CNGB3: variants seen among roughly 807,000 people sequenced by gnomAD.
CNGB3 encodes the protein cyclic nucleotide gated channel subunit beta 3, also known as cyclic nucleotide-gated channel beta-3.
In CNGB3, 86 loss-of-function variants were observed where a neutral mutation model predicts 92.8. The observed-to-expected ratio is 0.93, with a 90% CI of 0.78 to 1.11. The LOEUF (loss-of-function observed/expected upper bound fraction) is 1.11. Among genes scored for constraint, CNGB3 ranks in the 50% least tolerant of loss-of-function variants. CNGB3 has a pLI of 0.00. For missense variants in CNGB3, 1,026 were observed against 956.8 expected, an observed-to-expected ratio of 1.07 and a Z score of -0.95; for synonymous variants, 333 against 332.7, an observed-to-expected ratio of 1.00 and a Z score of -0.01.
At chr8:86,597,899 A>G (rs1822206174) in intron 15 of CNGB3, among the ~76,000 whole-genome samples, 1 of 152,192 alleles carries the variant, frequency 6.6e-6, no homozygotes, top group Non-Finnish European at 1.5e-5. Context: ...AATCACTTGA[A>G]CATGGGAAGT....
chr8:86,730,574 C>G (rs1465336604), intron 2 of CNGB3, among the ~76,000 whole-genome samples: 2 of 152,180 alleles, frequency 1.3e-5, no homozygotes, highest in Non-Finnish European at 2.9e-5. Flanking sequence ...AAGACTAAGT[C>G]TGGGTACTTC....
In CNGB3 at chr8:86,632,912, T is replaced by C. The variant is rs1013752765; in HGVS notation, c.1179-19A>G. On this transcript the variant is annotated intron_variant, in intron 10 of 17. Transcript: ENST00000320005. ...CAGATACCTGTGAAAACAGAAGATATACATTTTGCTTTTTTTCTATATCAT... is the reference window on the plus strand; with the variant it reads ...CAGATACCTGTGAAAACAGAAGATACACATTTTGCTTTTTTTCTATATCAT... The C allele has an allele frequency of 2.5e-6, 4 of 1,610,812 alleles. No homozygotes were observed. The highest frequency in any genetic ancestry group is 1.7e-5 in the Admixed American group (1 of 59,926).
intron 3 of CNGB3, among the ~76,000 whole-genome samples, chr8:86,694,460 A>G (rs1198724743): frequency 6.6e-6 from 1 of 150,866 alleles, no homozygotes; most frequent in Non-Finnish European, 1.5e-5. Context: ...CTCACTTCCC[A>G]GACGGGGTGG....
At chr8:86,698,005 T>G (rs988808024) in intron 3 of CNGB3, among the ~76,000 whole-genome samples, 2 of 152,314 alleles carry the variant, frequency 1.3e-5, no homozygotes, top group East Asian at 3.9e-4. Flanking sequence ...TATTCCATGG[T>G]GTATACGTGC....
intron 14 of CNGB3, among the ~76,000 whole-genome samples, chr8:86,607,630 AT>A (rs1056897555): frequency 1.1e-4 from 17 of 152,252 alleles, no homozygotes; most frequent in Admixed American, 2.6e-4. Flanking sequence ...ATGAATCAGA[AT>A]TTTTGGGAAT....
chr8:86,664,504 C>A (rs1326735335), intron 6 of CNGB3, among the ~76,000 whole-genome samples: 1 of 152,178 alleles, frequency 6.6e-6, no homozygotes, highest in Non-Finnish European at 1.5e-5. Flanking sequence ...GGAAAGGTAG[C>A]TTCCTTCTAG....
At chr8:86,647,666 G>A (rs972957322) in intron 8 of CNGB3, 135 bp downstream of exon 8, 4 of 618,594 alleles carry the variant, frequency 6.5e-6, no homozygotes, top group African/African-American at 3.7e-5. Flanking sequence ...AGGGCAGAAA[G>A]ATGGAGAAGA....
At chr8:86,682,463 T>G (rs560013167) in intron 3 of CNGB3, among the ~76,000 whole-genome samples, 2 of 152,244 alleles carry the variant, frequency 1.3e-5, no homozygotes, top group South Asian at 4.2e-4. Context: ...AGAGGCCAGT[T>G]TGACAGGGGG....
chr8:86,671,128 T>G, intron 3 of CNGB3, 30 bp from the exon 4 acceptor site: 1 of 1,611,042 alleles, frequency 6.2e-7, no homozygotes, highest in Non-Finnish European at 8.5e-7. Flanking sequence ...GCAATAGAGA[T>G]GGGCCCATGA....
rs141354547 is a variant in CNGB3 at position 86,600,271 on chromosome 8, T to C, written c.1781+3822A>G. On this transcript the variant is annotated intron_variant, in intron 15 of 17. Transcript: ENST00000320005. ...CTCTTCCTGGGACACAATTCATACA[T>C]TTAATCACCTGGTATTGAAGTCTCT... Among the ~76,000 whole-genome samples, 175 of 152,296 alleles carry C rather than the reference T, an allele frequency of 1.1e-3. 1 individual carries two copies. The East Asian group carries it at 0.025, about 21-fold the overall frequency.
intron 3 of CNGB3, among the ~76,000 whole-genome samples, chr8:86,673,432 G>C (rs1017723370): frequency 6.6e-6 from 1 of 152,052 alleles, no homozygotes; most frequent in South Asian, 2.1e-4. Context: ...TGTGTAGGGG[G>C]CCAGGTGGCA....
At chr8:86,671,406 A>G (rs574716690) in intron 3 of CNGB3, among the ~76,000 whole-genome samples, 4 of 152,348 alleles carry the variant, frequency 2.6e-5, no homozygotes, top group Non-Finnish European at 5.9e-5. Context: ...TGGGGCAGGC[A>G]GAAGCCTAAG....
chr8:86,625,474 A>G (rs1014068690), intron 13 of CNGB3, among the ~76,000 whole-genome samples: 1 of 152,198 alleles, frequency 6.6e-6, no homozygotes, highest in Non-Finnish European at 1.5e-5. Flanking sequence ...AACACTCAAA[A>G]AGTTAAAAAT....
chr8:86,670,875 A>G (rs1189099815), intron 4 of CNGB3, 69 bp downstream of exon 4: 5 of 1,545,042 alleles, frequency 3.2e-6, no homozygotes, highest in Non-Finnish European at 4.5e-6. Flanking sequence ...ATCCAAACTA[A>G]AACATCTGCA....
At position 86,599,332 on chromosome 8, in the gene CNGB3, T is replaced by C. The variant is rs186844902; in HGVS notation, c.1781+4761A>G. On this transcript the variant is annotated intron_variant, in intron 15 of 17. Coordinates refer to ENST00000320005, the MANE Select transcript of CNGB3 (RefSeq NM_019098.5). The stretch of plus-strand genomic sequence containing the variant: ...TAAACTGAGGAGGATGTATGTTGCC[T>C]CAGGACCCTGGGATGATTGCGTTAA... Among the ~76,000 whole-genome samples the C allele has an allele frequency of 2.3e-3, 349 of 152,272 alleles. 3 individuals are homozygous for C. The highest frequency in any genetic ancestry group is 0.013 in the South Asian group (64 of 4,816).
At chr8:86,631,383 A>G (rs1822957887) in intron 11 of CNGB3, among the ~76,000 whole-genome samples, 1 of 152,162 alleles carries the variant, frequency 6.6e-6, no homozygotes, top group Non-Finnish European at 1.5e-5. Flanking sequence ...GTAAGTGCTC[A>G]ATACATGTTA....
chr8:86,653,878 C>T, intron 7 of CNGB3, 134 bp downstream of exon 7: 2 of 697,824 alleles, frequency 2.9e-6, no homozygotes, highest in Admixed American at 2.2e-5. Context: ...TATTGAGAGG[C>T]AGAAACTTCA....
At chr8:86,734,815 C>T (rs1219096) in intron 2 of CNGB3, among the ~76,000 whole-genome samples, 37,410 of 151,978 alleles carry the variant, frequency 0.25, 5,054 homozygotes, top group Middle Eastern at 0.4. Context: ...CTCATTTATG[C>T]TATCTGGCTT....
intron 3 of CNGB3, among the ~76,000 whole-genome samples, chr8:86,674,163 G>A (rs2131621746): frequency 1.3e-5 from 2 of 152,270 alleles, no homozygotes; most frequent in Middle Eastern, 3.4e-3. Flanking sequence ...TAACTATAAA[G>A]TCAGGTATTC....
Sources: gnomAD v4.1 joint callset for allele counts (sites outside exome capture counted in the v4.1 genomes callset) on GRCh38, gnomAD v4.1.1 for gene constraint, MANE v1.5 for transcripts, NCBI Gene and HGNC (gene_info 2026-07-23, HGNC 2026-07-21) for gene names.